The following PIBF1 variants were observed in gnomAD, a reference collection of about 807,000 sequenced individuals.
The protein encoded by PIBF1 is progesterone-induced-blocking factor 1.
PIBF1 carries 90 observed loss-of-function variants against 112.5 expected under a neutral mutation model. The ratio of observed to expected loss-of-function variants is 0.80; its 90% CI spans 0.67 to 0.95. The LOEUF is 0.95. Ranked by LOEUF, PIBF1 falls within the 40% of genes least tolerant of loss-of-function variation. PIBF1 has a pLI of 0.00. For missense variants in PIBF1, 915 were observed against 852.3 expected, an observed-to-expected ratio of 1.07 and a Z score of -0.92; for synonymous variants, 301 against 288.6, an observed-to-expected ratio of 1.04 and a Z score of -0.44.
intron 6 of PIBF1, among the ~76,000 whole-genome samples, chr13:72,824,957 G>A (rs1034972456): frequency 1.3e-5 from 2 of 152,140 alleles, no homozygotes; most frequent in African/African-American, 4.8e-5. Flanking sequence ...TGCCTAACCT[G>A]AATCTAATAA....
intron 2 of PIBF1, 109 bp downstream of exon 2, chr13:72,783,830 T>C: frequency 9.4e-7 from 1 of 1,060,816 alleles, no homozygotes. Flanking sequence ...TACATTTATA[T>C]TTCTTGACAA....
chr13:73,003,067 G>GTGAAGTGTC (rs1215142419), intron 17 of PIBF1, among the ~76,000 whole-genome samples: 1 of 150,502 alleles, frequency 6.6e-6, no homozygotes, highest in Non-Finnish European at 1.5e-5. Context: ...TGTATAGTGT[G>GTGAAGTGTC]TGAAGTGTCT....
intron 11 of PIBF1, among the ~76,000 whole-genome samples, chr13:72,906,400 T>A (rs1384097504): frequency 1.3e-5 from 2 of 152,186 alleles, no homozygotes; most frequent in African/African-American, 4.8e-5. Flanking sequence ...ATTTAATGGA[T>A]TCCTAAAATT....
chr13:72,799,352 C>T (rs2035353563), intron 5 of PIBF1, among the ~76,000 whole-genome samples: 1 of 152,006 alleles, frequency 6.6e-6, no homozygotes, highest in East Asian at 1.9e-4. Flanking sequence ...TACTATTAGT[C>T]TTAGAGATAA....
At chr13:72,899,935 A>G (rs2040421546) in intron 11 of PIBF1, among the ~76,000 whole-genome samples, 1 of 152,192 alleles carries the variant, frequency 6.6e-6, no homozygotes, top group Non-Finnish European at 1.5e-5. Flanking sequence ...ATGTACACAA[A>G]TCAGTAGCAC....
At chr13:72,940,170 T>C (rs568875501) in intron 14 of PIBF1, among the ~76,000 whole-genome samples, 1 of 152,282 alleles carries the variant, frequency 6.6e-6, no homozygotes, top group South Asian at 2.1e-4. Flanking sequence ...CTTAAAGTTA[T>C]TCTACAACAG....
intron 14 of PIBF1, among the ~76,000 whole-genome samples, chr13:72,953,574 T>C (rs1358329425): frequency 6.6e-6 from 1 of 152,178 alleles, no homozygotes; most frequent in African/African-American, 2.4e-5. Context: ...ACTCTGAGAT[T>C]TCCTTAGTTA....
chr13:72,973,694 C>T lies in PIBF1; in HGVS notation c.2049+19C>T. On this transcript the variant is annotated intron_variant, in intron 16 of 17. Transcript: ENST00000326291. ...TCGTGAGGTATTTTTCCTATTTTGT[C>T]ATAATTGTAATCATTTTAGGCTTTT... 3 of 1,365,240 alleles carry T rather than the reference C, an allele frequency of 2.2e-6. No individual in the cohort carries two copies. The highest frequency in any genetic ancestry group is 3.1e-6 in the Non-Finnish European group (3 of 970,244). The allele number at this position is 1,365,240 out of a possible 1,614,324, so 84.6% of individuals were successfully genotyped here.
chr13:72,948,883 C>T (rs1034312718), intron 14 of PIBF1, among the ~76,000 whole-genome samples: 16 of 152,300 alleles, frequency 1.1e-4, no homozygotes, highest in South Asian at 4.1e-4. Context: ...AGCGTAACCA[C>T]GCCCATGATT....
chr13:72,849,039 CACTT>C (rs1348560185), intron 9 of PIBF1, among the ~76,000 whole-genome samples: 1 of 152,130 alleles, frequency 6.6e-6, no homozygotes, highest in African/African-American at 2.4e-5. Flanking sequence ...GTAGGATACT[CACTT>C]ACCCTTTGCA....
At chr13:72,878,608 T>C (rs919529800) in intron 10 of PIBF1, among the ~76,000 whole-genome samples, 2 of 152,200 alleles carry the variant, frequency 1.3e-5, no homozygotes, top group Non-Finnish European at 2.9e-5. Flanking sequence ...AGAATATGTA[T>C]TCTGCTATTG....
chr13:72,953,406 T>C (rs1267972822), intron 14 of PIBF1, among the ~76,000 whole-genome samples: 2 of 152,170 alleles, frequency 1.3e-5, no homozygotes, highest in Non-Finnish European at 2.9e-5. Context: ...CTGTGAATCC[T>C]GCTACTCCTC....
At chr13:72,890,456 T>C (rs938476626) in intron 10 of PIBF1, among the ~76,000 whole-genome samples, 1 of 152,164 alleles carries the variant, frequency 6.6e-6, no homozygotes. Flanking sequence ...TAGTCCTTTC[T>C]GTTATTTTTA....
intron 11 of PIBF1, among the ~76,000 whole-genome samples, chr13:72,902,416 T>TA (rs533865004): frequency 0.12 from 17,777 of 143,132 alleles, 1,368 homozygotes; most frequent in Non-Finnish European, 0.17. Flanking sequence ...TGTGTGGCTT[T>TA]AAAAAAAAAA....
intron 11 of PIBF1, among the ~76,000 whole-genome samples, chr13:72,894,257 A>C (rs1464343725): frequency 6.6e-6 from 1 of 152,042 alleles, no homozygotes. Flanking sequence ...CTTCACTGAC[A>C]TGTGAAATGA....
chr13:72,851,562 G>T lies in PIBF1; in HGVS notation c.1224-2495G>T, dbSNP rs537913999. On this transcript the variant is annotated intron_variant, in intron 9 of 17. Transcript: ENST00000326291. ...TGCCCTTTGGCACTCCAGGCTGGGC[G>T]CCAGGTTACAGCTGGTTGATGGCGG... is the stretch of plus-strand genomic sequence containing the variant. 1.2e-4 allele frequency among the ~76,000 whole-genome samples: 19 copies of T among 152,218 alleles called. 1 individual carries two copies. The highest frequency in any genetic ancestry group is 1.2e-3 in the Admixed American group (19 of 15,288).
At chr13:72,909,517 G>A (rs1375627409) in intron 12 of PIBF1, among the ~76,000 whole-genome samples, 1 of 147,454 alleles carries the variant, frequency 6.8e-6, no homozygotes, top group African/African-American at 2.5e-5. Flanking sequence ...TTTTTGAGAC[G>A]GAGTTTCACT....
At chr13:72,782,644 G>A (rs1470538800) in intron 1 of PIBF1, among the ~76,000 whole-genome samples, 1 of 152,102 alleles carries the variant, frequency 6.6e-6, no homozygotes, top group Non-Finnish European at 1.5e-5. Context: ...ATATCATGAG[G>A]TATTAAAACA....
intron 10 of PIBF1, among the ~76,000 whole-genome samples, chr13:72,862,116 A>G (rs1278591046): frequency 6.6e-6 from 1 of 152,196 alleles, no homozygotes; most frequent in Non-Finnish European, 1.5e-5. Context: ...GAAAAAAAAC[A>G]TTTAGAGATT....
Sources: allele counts gnomAD v4.1 joint callset (sites outside exome capture counted in the v4.1 genomes callset), GRCh38; gene constraint gnomAD v4.1.1; transcripts MANE v1.5; gene names NCBI Gene and HGNC (gene_info 2026-07-23, HGNC 2026-07-21).